The following PCDHGA3 variants were observed in gnomAD, a reference collection of about 807,000 sequenced individuals.
PCDHGA3 encodes protocadherin gamma subfamily A, 3.
In PCDHGA3, 40 loss-of-function variants were observed where a neutral mutation model predicts 58.5. That is an observed-to-expected ratio of 0.68 (90% CI 0.53 to 0.89). The LOEUF (loss-of-function observed/expected upper bound fraction) is 0.89, where lower values mean the gene tolerates loss of function less well. Among genes scored for constraint, PCDHGA3 ranks in the 40% least tolerant of loss-of-function variants. PCDHGA3 has a pLI of 0.00. For missense variants in PCDHGA3, 1,223 were observed against 1,195.9 expected (o/e 1.02, Z -0.33); for synonymous variants, 530 against 525.7 (o/e 1.01, Z -0.11).
chr5:141,418,282 A>T (rs1209026046), intron 1 of PCDHGA3: 2 of 1,614,030 alleles, frequency 1.2e-6, no homozygotes, highest in Non-Finnish European at 1.7e-6. Flanking sequence ...TAAACTTAGA[A>T]ATCAGTGAAT....
rs773522759 is a variant in PCDHGA3, at chr5:141,419,457, A to G, written c.2424+73000A>G. The G allele has an allele frequency of 7.4e-6, 12 of 1,612,610 alleles. No homozygotes were observed. The South Asian group carries it at 1.3e-4, about 18-fold the overall frequency. On this transcript the variant is annotated intron_variant, in intron 1 of 3. Transcript: ENST00000253812. ...CTGCGCACCTTCGAGCTCACGCTGC[A>G]GGCCCGCGACCAGGGCTCGCCCGCG...
intron 1 of PCDHGA3, chr5:141,399,788 A>T: frequency 6.2e-7 from 1 of 1,613,174 alleles, no homozygotes; most frequent in South Asian, 1.1e-5. Context: ...CGAAACGACA[A>T]CGCACCGCGG....
intron 1 of PCDHGA3, chr5:141,384,444 C>G (rs751427123): frequency 1.9e-6 from 3 of 1,613,906 alleles, no homozygotes; most frequent in Non-Finnish European, 2.5e-6. Context: ...GAGTCCTGTA[C>G]GCGCTGCAAT....
chr5:141,387,851 C>T, intron 1 of PCDHGA3: 5 of 1,596,536 alleles, frequency 3.1e-6, no homozygotes, highest in Non-Finnish European at 4.3e-6. Flanking sequence ...CCGGCGTCTC[C>T]AGGCTGGTGA....
chr5:141,408,022 G>A (rs915978239), intron 1 of PCDHGA3: 1 of 1,056,122 alleles, frequency 9.5e-7, no homozygotes, highest in Non-Finnish European at 1.3e-6. Context: ...GCCAACAACA[G>A]AAAGAAGAAA....
At chr5:141,478,087 C>T in intron 1 of PCDHGA3, 1 of 1,614,134 alleles carries the variant, frequency 6.2e-7, no homozygotes, top group East Asian at 2.2e-5. Flanking sequence ...CTTCGCTCTC[C>T]ACCACTGCTA....
Position 141,371,971 on chromosome 5 carries a change from G to A in PCDHGA3, c.2424+25514G>A, listed in dbSNP as rs372239619. On this transcript the variant is annotated intron_variant, in intron 1 of 3. Transcript: ENST00000253812. ...CGAGCCTTCGACCACGAGCAGCTGC[G>A]TGCCTTCGAGCTCACTCTGCAGGCC... 12 of 1,612,438 alleles carry A rather than the reference G, an allele frequency of 7.4e-6. No homozygotes were observed. Among genetic ancestry groups the A allele is most frequent in the African/African-American group, 6.7e-5 (5 of 75,070 alleles).
chr5:141,368,627 T>A (rs1237870416), intron 1 of PCDHGA3, among the ~76,000 whole-genome samples: 1 of 152,216 alleles, frequency 6.6e-6, no homozygotes, highest in Admixed American at 6.5e-5. Flanking sequence ...ACATTTCTTC[T>A]GAGTTAAATG....
chr5:141,383,159 C>A (rs769758778), intron 1 of PCDHGA3: 8 of 1,614,104 alleles, frequency 5.0e-6, no homozygotes, highest in Non-Finnish European at 5.9e-6. Context: ...TTGGTCACTG[C>A]GGGCAGGATA....
At chr5:141,483,242 C>T (rs2099578681) in intron 1 of PCDHGA3, among the ~76,000 whole-genome samples, 1 of 151,558 alleles carries the variant, frequency 6.6e-6, no homozygotes, top group African/African-American at 2.4e-5. Flanking sequence ...AACTGATATG[C>T]ATATATCATG....
intron 1 of PCDHGA3, chr5:141,357,122 G>A (rs4329068): frequency 0.044 from 71,100 of 1,613,598 alleles, 1,723 homozygotes; most frequent in Middle Eastern, 0.06. Flanking sequence ...CTCAAGCAGA[G>A]GCTTGTAGTG....
intron 1 of PCDHGA3, chr5:141,400,276 C>T: frequency 6.2e-7 from 1 of 1,614,048 alleles, no homozygotes; most frequent in Non-Finnish European, 8.5e-7. Flanking sequence ...CTCCTCCAGC[C>T]CTGCCGCCTG....
At position 141,351,512 on chromosome 5, in the gene PCDHGA3, A is replaced by T. The variant is rs1043449165; in HGVS notation, c.2424+5055A>T. The T allele has an allele frequency of 1.8e-5, 29 of 1,614,012 alleles. No homozygotes were observed. Among genetic ancestry groups the T allele is most frequent in the African/African-American group, 2.7e-5 (2 of 75,062 alleles). ...GCAGACAGCAGACTACAACGTCACAATCATAGCCACCGACAAGGGCAAACC... is the reference window on the plus strand; with the variant it reads ...GCAGACAGCAGACTACAACGTCACATTCATAGCCACCGACAAGGGCAAACC... On this transcript the variant is annotated intron_variant, in intron 1 of 3. Coordinates refer to ENST00000253812, the MANE Select transcript of PCDHGA3 (RefSeq NM_018916.4).
chr5:141,394,184 C>G, intron 1 of PCDHGA3: 1 of 1,613,944 alleles, frequency 6.2e-7, no homozygotes, highest in Non-Finnish European at 8.5e-7. Context: ...ATGCCTCCTA[C>G]TCAGCGTATA....
intron 1 of PCDHGA3, chr5:141,403,682 C>T (rs1456832899): frequency 1.3e-5 from 21 of 1,613,810 alleles, no homozygotes; most frequent in Non-Finnish European, 1.1e-5. Flanking sequence ...GGTTTTTGCT[C>T]AACGGATTTA....
intron 1 of PCDHGA3, chr5:141,383,689 G>T (rs773858539): frequency 1.9e-6 from 3 of 1,614,036 alleles, no homozygotes; most frequent in Non-Finnish European, 2.5e-6. Flanking sequence ...ACTGCTCACG[G>T]TACATGCTAT....
chr5:141,470,969 A>C (rs62379203), intron 1 of PCDHGA3, among the ~76,000 whole-genome samples: 16,337 of 151,332 alleles, frequency 0.11, 895 homozygotes, highest in South Asian at 0.15. Flanking sequence ...CTCCCACCTC[A>C]GCCTCCCAAA....
intron 2 of PCDHGA3, among the ~76,000 whole-genome samples, chr5:141,500,311 C>T (rs2099799036): frequency 2.0e-5 from 3 of 152,072 alleles, no homozygotes; most frequent in African/African-American, 7.2e-5. Context: ...CAGGTTCACG[C>T]CATGCTCCTG....
chr5:141,357,847 AGC>A, intron 1 of PCDHGA3: 1 of 619,362 alleles, frequency 1.6e-6, no homozygotes, highest in Non-Finnish European at 2.7e-6. Flanking sequence ...TTGTAGTTTC[AGC>A]CAGAATTTTC....
Sources: gnomAD v4.1 joint callset for allele counts (sites outside exome capture counted in the v4.1 genomes callset) on GRCh38, gnomAD v4.1.1 for gene constraint, MANE v1.5 for transcripts, NCBI Gene and HGNC (gene_info 2026-07-23, HGNC 2026-07-21) for gene names.